Variants in RBFOX1 observed in about 807,000 individuals in gnomAD.
RBFOX1 encodes RNA binding protein fox-1 homolog 1.
Under a neutral mutation model 57.7 loss-of-function variants are expected in RBFOX1, and 8 were observed. That is an observed-to-expected ratio of 0.14 (90% CI 0.08 to 0.25). RBFOX1 has a LOEUF of 0.25. Among genes scored for constraint, RBFOX1 ranks in the 10% least tolerant of loss-of-function variants. The probability of loss-of-function intolerance (pLI) is 1.00; values close to 1 mark genes in which losing one functional copy is unlikely to be tolerated. For missense variants in RBFOX1, 611 were observed against 548.5 expected (o/e 1.11, Z -1.14); for synonymous variants, 326 against 222.4 (o/e 1.47, Z -4.15).
intron 2 of RBFOX1, among the ~76,000 whole-genome samples, chr16:6,544,238 A>G (rs939420533): frequency 3.9e-5 from 6 of 152,208 alleles, no homozygotes; most frequent in Admixed American, 1.3e-4. Flanking sequence ...TGGTGGGGAA[A>G]GAGGTACTTC....
chr16:7,169,633 C>A (rs1480734867), intron 4 of RBFOX1, among the ~76,000 whole-genome samples: 1 of 152,198 alleles, frequency 6.6e-6, no homozygotes, highest in East Asian at 1.9e-4. Flanking sequence ...AGTGAAGAAA[C>A]AGAAATTCAG....
At chr16:6,651,528 C>G (rs560955479) in intron 2 of RBFOX1, among the ~76,000 whole-genome samples, 8 of 152,156 alleles carry the variant, frequency 5.3e-5, no homozygotes, top group Non-Finnish European at 1.2e-4. Flanking sequence ...CATGCCTGTC[C>G]TCTCTTCATT....
At position 7,040,032 on chromosome 16, in the gene RBFOX1, A is replaced by G. The variant is rs1032792238; in HGVS notation, c.-15-12025A>G. 3.7e-4 allele frequency among the ~76,000 whole-genome samples: 56 copies of G among 151,372 alleles called. 2 individuals are homozygous for G. The highest frequency in any genetic ancestry group is 3.2e-3 in the Admixed American group (49 of 15,154). On this transcript the variant is annotated intron_variant, in intron 3 of 15. Transcript: ENST00000550418. ...TATTATTATTATTATCATTATTATTATTATTTTGAGACAAAGTCTTGCTCT... is the reference window on the plus strand; with the variant it reads ...TATTATTATTATTATCATTATTATTGTTATTTTGAGACAAAGTCTTGCTCT...
chr16:5,511,537 C>T (rs909814415), intron 2 of RBFOX1, among the ~76,000 whole-genome samples: 4 of 152,170 alleles, frequency 2.6e-5, no homozygotes, highest in Admixed American at 2.6e-4. Context: ...TGTTACTTCC[C>T]TCCTTCCCCT....
intron 2 of RBFOX1, among the ~76,000 whole-genome samples, chr16:5,537,315 G>A (rs757492827): frequency 1.3e-5 from 2 of 152,086 alleles, no homozygotes; most frequent in East Asian, 3.9e-4. Flanking sequence ...ATTTTTAGAT[G>A]TTTGTTACAG....
intron 4 of RBFOX1, among the ~76,000 whole-genome samples, chr16:5,880,884 C>T (rs1037005750): frequency 7.9e-5 from 12 of 152,284 alleles, no homozygotes; most frequent in African/African-American, 2.4e-4. Context: ...TTTGTTAACA[C>T]ATTGAACAAG....
intron 1 of RBFOX1, among the ~76,000 whole-genome samples, chr16:6,164,764 C>T (rs183875256): frequency 6.6e-6 from 1 of 152,180 alleles, no homozygotes; most frequent in Admixed American, 6.6e-5. Context: ...CCACCGTGCC[C>T]AGCCTATATG....
At chr16:5,715,971 T>C (rs1304385989) in intron 3 of RBFOX1, among the ~76,000 whole-genome samples, 2 of 152,200 alleles carry the variant, frequency 1.3e-5, no homozygotes, top group Non-Finnish European at 2.9e-5. Context: ...TTAAAGTATC[T>C]AATAATTCTC....
downstream of RBFOX1, among the ~76,000 whole-genome samples, chr16:5,600,657 C>T (rs1322081892): frequency 2.0e-5 from 3 of 152,032 alleles, no homozygotes; most frequent in East Asian, 1.9e-4. Flanking sequence ...TGTAAGGGCC[C>T]ACTGCTTGGT....
At chr16:5,828,751 C>T (rs1424742709) in intron 3 of RBFOX1, among the ~76,000 whole-genome samples, 2 of 152,060 alleles carry the variant, frequency 1.3e-5, no homozygotes, top group Non-Finnish European at 2.9e-5. Context: ...TGGAGGATTT[C>T]AGCAGAGGGT....
At chr16:5,615,007 G>A (rs1364615251) in intron 3 of RBFOX1, among the ~76,000 whole-genome samples, 3 of 152,094 alleles carry the variant, frequency 2.0e-5, no homozygotes, top group Non-Finnish European at 2.9e-5. Flanking sequence ...CCATGATGAT[G>A]GGCAACAGAA....
At chr16:5,771,353 A>G (rs555061737) in intron 3 of RBFOX1, among the ~76,000 whole-genome samples, 2 of 152,328 alleles carry the variant, frequency 1.3e-5, no homozygotes, top group South Asian at 2.1e-4. Context: ...TATTCTAGTC[A>G]AACCAGTAGC....
intron 3 of RBFOX1, among the ~76,000 whole-genome samples, chr16:6,900,872 G>C (rs977359484): frequency 7.9e-5 from 12 of 152,172 alleles, no homozygotes; most frequent in Admixed American, 7.9e-4. Context: ...TGAATGCAGG[G>C]AGCTACATAT....
chr16:6,568,053 C>G (rs769149722), intron 2 of RBFOX1, among the ~76,000 whole-genome samples: 1 of 152,156 alleles, frequency 6.6e-6, no homozygotes, highest in Non-Finnish European at 1.5e-5. Context: ...AACTTCTGGC[C>G]TGAAGTGGTC....
At chr16:5,833,803 G>C (rs1323884571) in intron 3 of RBFOX1, among the ~76,000 whole-genome samples, 1 of 152,060 alleles carries the variant, frequency 6.6e-6, no homozygotes, top group Admixed American at 6.6e-5. Flanking sequence ...CTTTAGCCCA[G>C]GCCCTGTCCA....
intron 4 of RBFOX1, among the ~76,000 whole-genome samples, chr16:7,202,138 T>TA (rs1055047734): frequency 7.6e-4 from 115 of 150,574 alleles, no homozygotes; most frequent in African/African-American, 2.5e-3. Context: ...ACAACTTGAT[T>TA]AAAATGGTTA....
At chr16:6,562,958 C>G (rs1449404626) in intron 2 of RBFOX1, among the ~76,000 whole-genome samples, 3 of 140,722 alleles carry the variant, frequency 2.1e-5, no homozygotes, top group Non-Finnish European at 4.5e-5. Context: ...CAGCCCTTTC[C>G]TGGGTATGTC....
At chr16:5,375,260 C>T (rs180866611) in intron 1 of RBFOX1, among the ~76,000 whole-genome samples, 5 of 152,182 alleles carry the variant, frequency 3.3e-5, no homozygotes, top group Admixed American at 2.0e-4. Context: ...ATCAATTGAC[C>T]ATGGAAGCTG....
intron 1 of RBFOX1, among the ~76,000 whole-genome samples, chr16:6,052,189 C>T (rs1351128540): frequency 6.6e-6 from 1 of 152,134 alleles, no homozygotes; most frequent in Non-Finnish European, 1.5e-5. Context: ...CCTCCGTTTC[C>T]AGTCCCATAA....
Sources: allele counts gnomAD v4.1 joint callset (sites outside exome capture counted in the v4.1 genomes callset), GRCh38; gene constraint gnomAD v4.1.1; transcripts MANE v1.5; gene names NCBI Gene and HGNC (gene_info 2026-07-23, HGNC 2026-07-21).